ESYT3: variants seen among roughly 807,000 people sequenced by gnomAD.
ESYT3 encodes extended synaptotagmin-3.
ESYT3 carries 101 observed loss-of-function variants against 111.5 expected under a neutral mutation model. The observed-to-expected ratio is 0.91, with a 90% CI of 0.77 to 1.07. The LOEUF is 1.07. ESYT3 is among the 50% of genes least tolerant of loss of function. The probability of loss-of-function intolerance (pLI) is 0.00; values close to 1 mark genes in which losing one functional copy is unlikely to be tolerated. For synonymous variants in ESYT3, 416 were observed against 446.8 expected (o/e 0.93, Z 0.87); for missense variants, 1,097 against 1,109.4 (o/e 0.99, Z 0.16).
At chr3:138,450,215 C>G (rs2031833415) in intron 1 of ESYT3, among the ~76,000 whole-genome samples, 1 of 152,136 alleles carries the variant, frequency 6.6e-6, no homozygotes, top group Non-Finnish European at 1.5e-5. Context: ...GCGATGAGGC[C>G]ATGACATGAG....
intron 14 of ESYT3, 175 bp from the exon 15 acceptor site, chr3:138,469,261 G>A (rs902993554): frequency 1.3e-5 from 8 of 627,064 alleles, no homozygotes; most frequent in Admixed American, 2.9e-5. Flanking sequence ...CCTGTCCTGG[G>A]GCTCGCACAG....
In ESYT3 at chr3:138,440,768, CAG is replaced by C. The variant is rs896747177; in HGVS notation, c.327+5646_327+5647del. Among the ~76,000 whole-genome samples the C allele has an allele frequency of 6.6e-6, 1 of 152,098 alleles. No homozygotes were observed. Among genetic ancestry groups the C allele is most frequent in the Non-Finnish European group, 1.5e-5 (1 of 68,020 alleles). On this transcript the variant is annotated intron_variant, in intron 1 of 22. Coordinates refer to ENST00000389567, the MANE Select transcript of ESYT3 (RefSeq NM_031913.5). This position sits in a 1 kb window ranked among gnomAD's most constrained non-coding sequence, Gnocchi z 4.2. ...GGCCAGGATTGAGCAATATGAGTGA[CAG>C]AGTATGGGCCCTCTTTCCTCCAAGC...
At chr3:138,439,971 G>A (rs1459812007) in intron 1 of ESYT3, among the ~76,000 whole-genome samples, 1 of 152,186 alleles carries the variant, frequency 6.6e-6, no homozygotes, top group Non-Finnish European at 1.5e-5. Context: ...AGTCATTGGA[G>A]TCATTCATGG....
At position 138,440,625 on chromosome 3, in the gene ESYT3, T is replaced by A. The variant is rs1430825380; in HGVS notation, c.327+5500T>A. Among the ~76,000 whole-genome samples, 1 of 152,138 alleles carries A rather than the reference T, an allele frequency of 6.6e-6. No homozygotes were observed. Among genetic ancestry groups the A allele is most frequent in the Non-Finnish European group, 1.5e-5 (1 of 68,026 alleles). On this transcript the variant is annotated intron_variant, in intron 1 of 22. Transcript: ENST00000389567. This position sits in a 1 kb window ranked among gnomAD's most constrained non-coding sequence, Gnocchi z 4.2. The stretch of plus-strand genomic sequence containing the variant: ...GGTCCCTGCAGCCCTGTGAAGTTAT[T>A]CAAATGGCTTGGAGTCAGGCCTGTC...
chr3:138,473,503 T>G (rs183487327), intron 18 of ESYT3, 33 bp from the exon 19 acceptor site: 24 of 1,592,696 alleles, frequency 1.5e-5, no homozygotes, highest in African/African-American at 4.0e-5. Flanking sequence ...ATGCTTGTTA[T>G]GGCGAGAGAA....
At chr3:138,439,997 C>A (rs1270484061) in intron 1 of ESYT3, among the ~76,000 whole-genome samples, 1 of 152,146 alleles carries the variant, frequency 6.6e-6, no homozygotes, top group Non-Finnish European at 1.5e-5. Flanking sequence ...TCTTGGGAAG[C>A]CCCTTGTCCT....
chr3:138,460,815 C>T lies in ESYT3; in HGVS notation c.794+149C>T, dbSNP rs2032590052. 4 of 913,406 alleles carry T rather than the reference C, an allele frequency of 4.4e-6. No individual in the cohort carries two copies. In the South Asian group the frequency reaches 4.4e-5, roughly 10 times the overall value. The allele number at this position is 913,406 out of a possible 1,614,324, so 56.6% of individuals were successfully genotyped here. ...GCATTGGTCTGTTTGGAGTGGGAGGCTAAGGGTGTTGTGTGGCCTCTGTGG... is the reference window on the plus strand; with the variant it reads ...GCATTGGTCTGTTTGGAGTGGGAGGTTAAGGGTGTTGTGTGGCCTCTGTGG... On this transcript the variant is annotated intron_variant, in intron 7 of 22. Transcript: ENST00000389567.
Position 138,468,707 on chromosome 3 carries a change from G to A in ESYT3, c.1361G>A (p.Cys454Tyr), listed in dbSNP as rs1229064506. The change falls in exon 13 of 23, where the codon TGC becomes TAC. Residue 454 changes from cysteine to tyrosine, a missense_variant. By Grantham distance (194) the Cys-to-Tyr change is radical. Coordinates refer to ENST00000389567, the MANE Select transcript of ESYT3 (RefSeq NM_031913.5). ...AILVVFLESA[C>Y]NLPRNPFDYL... is the part of the protein sequence containing the mutation. The stretch of plus-strand genomic sequence containing the variant: ...CTCGTGGTCTTCTTGGAGAGTGCCT[G>A]CAACTTGCCGGTGAGTGGCGACATG... 8 of 1,614,022 alleles carry A rather than the reference G, an allele frequency of 5.0e-6. No homozygotes were observed. The Admixed American group carries it at 1.0e-4, about 20-fold the overall frequency.
At chr3:138,469,624 AT>A in intron 15 of ESYT3, 120 bp downstream of exon 15, 2 of 735,214 alleles carry the variant, frequency 2.7e-6, no homozygotes, top group South Asian at 3.4e-5. Flanking sequence ...ACTTGATGTT[AT>A]TTAGTCTTCA....
At chr3:138,442,443 C>T (rs1560210993) in intron 1 of ESYT3, among the ~76,000 whole-genome samples, 1 of 152,122 alleles carries the variant, frequency 6.6e-6, no homozygotes, top group Non-Finnish European at 1.5e-5. Flanking sequence ...TCCAGGCTTT[C>T]CTGGTCACAC....
chr3:138,467,799 A>T (rs1241760150), intron 11 of ESYT3, among the ~76,000 whole-genome samples, 190 bp downstream of exon 11: 2 of 152,158 alleles, frequency 1.3e-5, no homozygotes, highest in African/African-American at 2.4e-5. Context: ...CAGCTGGAAG[A>T]AGTTTCCCTG....
intron 1 of ESYT3, among the ~76,000 whole-genome samples, 186 bp from the exon 2 acceptor site, chr3:138,451,862 C>T (rs2031951556): frequency 6.8e-6 from 1 of 147,630 alleles, no homozygotes; most frequent in African/African-American, 2.7e-5. Flanking sequence ...AGGACCAGTT[C>T]CGAGTTGCCA....
chr3:138,441,061 G>C (rs543494714), intron 1 of ESYT3, among the ~76,000 whole-genome samples: 4 of 152,340 alleles, frequency 2.6e-5, no homozygotes, highest in Admixed American at 2.0e-4. Flanking sequence ...TCCTTGGCTG[G>C]AAGTGGCCCA....
chr3:138,472,336 A>G, intron 17 of ESYT3, 27 bp from the exon 18 acceptor site: 1 of 1,604,714 alleles, frequency 6.2e-7, no homozygotes, highest in Non-Finnish European at 8.5e-7. Context: ...GACTCAGCTC[A>G]TAAGCCACCC....
In ESYT3 at chr3:138,476,291, G is replaced by C; in HGVS notation, c.2537G>C (p.Arg846Thr). 6.2e-7 allele frequency: 1 copy of C among 1,613,902 alleles called. No individual in the cohort carries two copies. The highest frequency in any genetic ancestry group is 8.5e-7 in the Non-Finnish European group (1 of 1,179,852). ...RSLDVAVKNSRPLGSHRRKEL... is the reference protein window; with the variant it reads ...RSLDVAVKNSTPLGSHRRKEL... ...CTAGATGTTGCAGTGAAAAATAGTAGGCCACTTGGCTCACACAGAAGAAAG... is the reference window on the plus strand; with the variant it reads ...CTAGATGTTGCAGTGAAAAATAGTACGCCACTTGGCTCACACAGAAGAAAG... Residue 846 changes from arginine to threonine, a missense_variant, in exon 21 of 23, where the codon AGG becomes ACG. Coordinates refer to ENST00000389567, the MANE Select transcript of ESYT3 (RefSeq NM_031913.5).
At chr3:138,451,080 C>T (rs746186690) in intron 1 of ESYT3, among the ~76,000 whole-genome samples, 2 of 152,248 alleles carry the variant, frequency 1.3e-5, no homozygotes, top group Non-Finnish European at 2.9e-5. Context: ...CAGACAGATG[C>T]AGAGACTGAG....
chr3:138,436,184 A>G (rs1394481053), intron 1 of ESYT3, among the ~76,000 whole-genome samples: 1 of 152,234 alleles, frequency 6.6e-6, no homozygotes, highest in Non-Finnish European at 1.5e-5. Flanking sequence ...AACTGAGTAC[A>G]ACAGGCTGCG....
At position 138,468,970 on chromosome 3, in the gene ESYT3, C is replaced by T; in HGVS notation, c.1434+89C>T. The T allele has an allele frequency of 2.3e-6, 3 of 1,327,916 alleles. No individual in the cohort carries two copies. In the African/African-American group the frequency reaches 4.3e-5, roughly 19 times the overall value. 82.3% of individuals were successfully genotyped at this position (1,327,916 alleles called of 1,614,324 possible). On this transcript the variant is annotated intron_variant, in intron 14 of 22. Coordinates refer to ENST00000389567, the MANE Select transcript of ESYT3 (RefSeq NM_031913.5). The stretch of plus-strand genomic sequence containing the variant: ...CCACAACCCCATGTCTTCTGGGCCA[C>T]AGTCTGTGCACACACAGCCTGGGGA...
chr3:138,457,455 G>T, intron 3 of ESYT3, 113 bp from the exon 4 acceptor site: 1 of 897,788 alleles, frequency 1.1e-6, no homozygotes, highest in Non-Finnish European at 1.9e-6. Context: ...GCCTCGTCTT[G>T]GAAGTATGGT....
Sources: allele counts gnomAD v4.1 joint callset (sites outside exome capture counted in the v4.1 genomes callset), GRCh38; gene constraint gnomAD v4.1.1; non-coding constraint Gnocchi (gnomAD v3.1); transcripts MANE v1.5; gene names NCBI Gene and HGNC (gene_info 2026-07-23, HGNC 2026-07-21).